Variants in CDK12 observed in about 807,000 individuals in gnomAD.
CDK12 encodes the protein cyclin-dependent kinase 12.
Under a neutral mutation model 133.8 loss-of-function variants are expected in CDK12, and 17 were observed. The observed-to-expected ratio is 0.13, with a 90% CI of 0.09 to 0.19. The LOEUF (loss-of-function observed/expected upper bound fraction) is 0.19. Among genes scored for constraint, CDK12 ranks in the 10% least tolerant of loss-of-function variants. The pLI, the probability that CDK12 is intolerant of heterozygous loss-of-function variation, is 1.00. For missense variants in CDK12, 1,508 were observed against 1,818.7 expected (o/e 0.83, Z 3.11); for synonymous variants, 694 against 683.6 (o/e 1.02, Z -0.24).
chr17:39,470,715 GC>G (rs775536456), intron 1 of CDK12, among the ~76,000 whole-genome samples, 163 bp from the exon 2 acceptor site: 21 of 152,134 alleles, frequency 1.4e-4, no homozygotes, highest in Non-Finnish European at 2.4e-4. Context: ...TCCTTGGGGT[GC>G]CTCTTGATTG....
chr17:39,536,187 C>T (rs111501496), downstream of CDK12, among the ~76,000 whole-genome samples: 54 of 152,322 alleles, frequency 3.5e-4, 1 homozygote, highest in Middle Eastern at 3.4e-3. Flanking sequence ...TATCCACCCA[C>T]TTCTTTTCCC....
At chr17:39,564,049 G>GTA (rs1458136156) in intron 3 of CDK12, among the ~76,000 whole-genome samples, 1 of 152,164 alleles carries the variant, frequency 6.6e-6, no homozygotes, top group African/African-American at 2.4e-5. Flanking sequence ...ACCCCAGTCT[G>GTA]TACTCGCCCT....
chr17:39,536,828 A>G (rs920772537), downstream of CDK12, among the ~76,000 whole-genome samples: 6 of 152,236 alleles, frequency 3.9e-5, no homozygotes, highest in African/African-American at 7.2e-5. Flanking sequence ...CTAAGTGGGT[A>G]GTTTGTTAGT....
At chr17:39,520,164 C>T (rs575859035) in intron 11 of CDK12, 77 bp downstream of exon 11, 6 of 1,499,088 alleles carry the variant, frequency 4.0e-6, no homozygotes, top group Non-Finnish European at 4.6e-6. Context: ...AAAAGAACCA[C>T]AGATGCCCAG....
intron 7 of CDK12, among the ~76,000 whole-genome samples, chr17:39,510,231 T>C (rs1373135352): frequency 1.3e-5 from 2 of 150,478 alleles, no homozygotes; most frequent in Non-Finnish European, 3.0e-5. Context: ...GAAATTCTCC[T>C]GCCTCAGCCT....
chr17:39,476,711 C>CTTTTT lies in CDK12; in HGVS notation c.1931+4973_1931+4977dup, dbSNP rs879840168. Among the ~76,000 whole-genome samples the CTTTTT allele has an allele frequency of 7.0e-4, 59 of 84,516 alleles. 6 individuals carry two copies. Among genetic ancestry groups the CTTTTT allele is most frequent in the African/African-American group, 2.8e-3 (49 of 17,550 alleles). 55.4% of individuals were successfully genotyped at this position (84,516 alleles called of 152,430 possible). ...TACAGGCATGAGCCACCATGCCTGC[C>CTTTTT]TTTTTTTTTTTTTTTTTTTTTTTTT... On this transcript the variant is annotated intron_variant, in intron 2 of 13. Transcript: ENST00000447079.
At chr17:39,498,250 C>T (rs887061679) in intron 5 of CDK12, among the ~76,000 whole-genome samples, 1 of 150,764 alleles carries the variant, frequency 6.6e-6, no homozygotes, top group African/African-American at 2.4e-5. Flanking sequence ...TTTGAGACGG[C>T]GTCTCACTCA....
chr17:39,501,041 A>G (rs2052684082), intron 5 of CDK12, among the ~76,000 whole-genome samples: 1 of 152,066 alleles, frequency 6.6e-6, no homozygotes, highest in African/African-American at 2.4e-5. Context: ...CAGCCACAGA[A>G]GATTAATTCA....
intron 5 of CDK12, among the ~76,000 whole-genome samples, chr17:39,500,272 A>G (rs958993332): frequency 2.6e-5 from 4 of 152,048 alleles, no homozygotes; most frequent in Non-Finnish European, 4.4e-5. Flanking sequence ...TTGAGGCTGT[A>G]GTGAGCCATG....
In CDK12 at chr17:39,525,806, G is replaced by A. The variant is rs1025738947; in HGVS notation, c.3308-58G>A. On this transcript the variant is annotated intron_variant, in intron 12 of 13. Transcript: ENST00000447079. ...TAAGTTGCTGTTGCCAGTTGAAGAA[G>A]GCAAAGGGCCCTTGGCCTATCTCAT... 66 of 1,363,894 alleles carry A rather than the reference G, an allele frequency of 4.8e-5. No homozygotes were observed. The Admixed American group carries it at 1.4e-3, about 30-fold the overall frequency. The allele number at this position is 1,363,894 out of a possible 1,614,324, so 84.5% of individuals were successfully genotyped here.
intron 5 of CDK12, 66 bp downstream of exon 5, chr17:39,494,760 T>C (rs962300051): frequency 2.2e-5 from 25 of 1,115,698 alleles, no homozygotes; most frequent in Non-Finnish European, 3.0e-5. Context: ...TTTTTTTTTT[T>C]CTTTCTTTCT....
upstream of CDK12, among the ~76,000 whole-genome samples, chr17:39,547,220 C>T (rs2055756376): frequency 6.8e-6 from 1 of 147,734 alleles, no homozygotes. Flanking sequence ...ACTGCAACCT[C>T]TGCCTCCCGG....
intron 11 of CDK12, among the ~76,000 whole-genome samples, chr17:39,523,079 T>C (rs2054281335): frequency 6.6e-6 from 1 of 152,046 alleles, no homozygotes; most frequent in South Asian, 2.1e-4. Flanking sequence ...ATAAAAGAAA[T>C]ATGATCTTTT....
intron 1 of CDK12, among the ~76,000 whole-genome samples, chr17:39,470,314 G>C (rs998720986): frequency 3.3e-5 from 5 of 151,754 alleles, no homozygotes; most frequent in African/African-American, 9.7e-5. Flanking sequence ...GTAGAGATGC[G>C]GTTTCACCGT....
intron 3 of CDK12, among the ~76,000 whole-genome samples, chr17:39,561,331 A>G (rs1168198179): frequency 6.6e-6 from 1 of 152,144 alleles, no homozygotes; most frequent in Admixed American, 6.5e-5. Context: ...TGAACAGGGG[A>G]ACTATAGTTC....
upstream of CDK12, among the ~76,000 whole-genome samples, chr17:39,544,539 G>T (rs944472172): frequency 1.3e-5 from 2 of 150,654 alleles, no homozygotes; most frequent in Admixed American, 6.6e-5. Context: ...GTGCAGTGGC[G>T]CAATCTCAGC....
At chr17:39,519,298 C>CTTTTTTTTTT (rs386386050) in intron 10 of CDK12, among the ~76,000 whole-genome samples, 1 of 53,976 alleles carries the variant, frequency 1.9e-5, no homozygotes, top group African/African-American at 7.7e-5. Context: ...AATTCAAAGA[C>CTTTTTTTTTT]TTTTTTTTTT....
chr17:39,495,940 C>G (rs2052073599), intron 5 of CDK12, among the ~76,000 whole-genome samples: 1 of 151,746 alleles, frequency 6.6e-6, no homozygotes, highest in Admixed American at 6.6e-5. Context: ...GAGACAGAGT[C>G]TTACTCTCTC....
In CDK12 at chr17:39,462,876, A is replaced by T. The variant is rs780503008; in HGVS notation, c.805A>T (p.Thr269Ser). 6.2e-7 allele frequency: 1 copy of T among 1,614,146 alleles called. No homozygotes were observed. Among genetic ancestry groups the T allele is most frequent in the Admixed American group, 1.7e-5 (1 of 60,012 alleles). Reference protein sequence around the residue: ...YDSYKKSPGSTSRRQSVSPPY... With the variant: ...YDSYKKSPGSSSRRQSVSPPY... The stretch of plus-strand genomic sequence containing the variant: ...CTCCTACAAGAAAAGTCCTGGAAGT[A>T]CCTCGAGAAGGCAGTCGGTCAGTCC... The change falls in exon 1 of 14, where the codon ACC (threonine) becomes TCC (serine). Residue 269 changes from threonine to serine, a missense_variant. Transcript: ENST00000447079.
Sources: allele counts gnomAD v4.1 joint callset (sites outside exome capture counted in the v4.1 genomes callset), GRCh38; gene constraint gnomAD v4.1.1; transcripts MANE v1.5; gene names NCBI Gene and HGNC (gene_info 2026-07-23, HGNC 2026-07-21).